GABRG3: variants seen among roughly 807,000 people sequenced by gnomAD.
GABRG3 encodes gamma-aminobutyric acid receptor subunit gamma-3.
Under a neutral mutation model 48.8 loss-of-function variants are expected in GABRG3, and 25 were observed. That is an observed-to-expected ratio of 0.51 (90% confidence interval 0.37 to 0.72). The LOEUF (loss-of-function observed/expected upper bound fraction) is 0.72. Ranked by LOEUF, GABRG3 falls within the 30% of genes least tolerant of loss-of-function variation. The probability of loss-of-function intolerance (pLI) is 0.00; values close to 1 mark genes in which losing one functional copy is unlikely to be tolerated. For synonymous variants in GABRG3, 227 were observed against 217.6 expected, an observed-to-expected ratio of 1.04 and a Z score of -0.38; for missense variants, 394 against 577.9, an observed-to-expected ratio of 0.68 and a Z score of 3.26.
intron 3 of GABRG3, among the ~76,000 whole-genome samples, chr15:27,139,518 C>G (rs1898067873): frequency 6.6e-6 from 1 of 152,196 alleles, no homozygotes; most frequent in African/African-American, 2.4e-5. Flanking sequence ...CACAAACACA[C>G]TCAGAAGGAA....
chr15:27,071,400 A>T (rs1400986825), intron 3 of GABRG3, among the ~76,000 whole-genome samples: 2 of 152,206 alleles, frequency 1.3e-5, no homozygotes, highest in Admixed American at 6.5e-5. Flanking sequence ...ACACTAGCTG[A>T]CATACCTGCC....
At chr15:27,264,390 T>TA (rs1890855996) in intron 3 of GABRG3, among the ~76,000 whole-genome samples, 1 of 152,214 alleles carries the variant, frequency 6.6e-6, no homozygotes, top group Non-Finnish European at 1.5e-5. Flanking sequence ...AATATTAGTT[T>TA]ATCCCCTTAT....
intron 5 of GABRG3, among the ~76,000 whole-genome samples, chr15:27,338,500 G>A (rs1028892703): frequency 6.6e-6 from 1 of 152,192 alleles, no homozygotes; most frequent in Non-Finnish European, 1.5e-5. Context: ...TTGCTATTAA[G>A]TTTGATTCAG....
At chr15:27,185,462 T>C (rs942283053) in intron 3 of GABRG3, among the ~76,000 whole-genome samples, 3 of 152,214 alleles carry the variant, frequency 2.0e-5, no homozygotes, top group South Asian at 4.1e-4. Context: ...CAGGATATGG[T>C]ATATCTTGGT....
At position 27,533,032 on chromosome 15, in the gene GABRG3, C is replaced by A. The variant is rs1891466779; in HGVS notation, c.*151C>A. On this transcript the variant is annotated 3_prime_UTR_variant, in exon 10 of 10. Coordinates refer to ENST00000615808, the MANE Select transcript of GABRG3 (RefSeq NM_033223.5). Reference sequence around the variant, plus strand: ...ACCTTTCAGCAACACAGGAAGTACCCAGCAAAGGTTTCTATTATGTATTTT... The same window carrying A: ...ACCTTTCAGCAACACAGGAAGTACCAAGCAAAGGTTTCTATTATGTATTTT... 1.5e-6 allele frequency: 1 copy of A among 663,300 alleles called. No individual in the cohort carries two copies. The highest frequency in any genetic ancestry group is 2.5e-6 in the Non-Finnish European group (1 of 394,606). The allele number at this position is 663,300 out of a possible 1,614,324, so 41.1% of individuals were successfully genotyped here.
intron 3 of GABRG3, among the ~76,000 whole-genome samples, chr15:27,282,794 G>A (rs576246624): frequency 2.6e-5 from 4 of 152,136 alleles, no homozygotes; most frequent in Non-Finnish European, 5.9e-5. Context: ...TTGGTAGCAT[G>A]AGTGATTTTC....
intron 3 of GABRG3, among the ~76,000 whole-genome samples, chr15:27,068,525 T>A (rs747570101): frequency 5.9e-5 from 9 of 152,238 alleles, no homozygotes; most frequent in Non-Finnish European, 7.3e-5. Context: ...CTTTTGGCAA[T>A]GTTTCTTCAG....
At chr15:27,432,590 A>G (rs984951885) in intron 5 of GABRG3, among the ~76,000 whole-genome samples, 2 of 152,188 alleles carry the variant, frequency 1.3e-5, no homozygotes, top group Non-Finnish European at 2.9e-5. Flanking sequence ...TTTAGAAGGT[A>G]CAAAGGATAG....
At chr15:27,027,288 G>A (rs563546410) in intron 3 of GABRG3, among the ~76,000 whole-genome samples, 6 of 152,312 alleles carry the variant, frequency 3.9e-5, no homozygotes, top group African/African-American at 1.2e-4. Flanking sequence ...AAGTGAGTGT[G>A]GGGGTATTGA....
intron 8 of GABRG3, 64 bp downstream of exon 8, chr15:27,527,693 C>G (rs1021875140): frequency 5.7e-6 from 8 of 1,406,154 alleles, no homozygotes; most frequent in Non-Finnish European, 6.9e-6. Context: ...TGAGTGTGTA[C>G]TTAAATGCAG....
chr15:27,336,510 A>T (rs1262734830), intron 5 of GABRG3, among the ~76,000 whole-genome samples: 1 of 152,172 alleles, frequency 6.6e-6, no homozygotes, highest in East Asian at 1.9e-4. Flanking sequence ...TGGCTAAAAT[A>T]AAAAAATAGT....
At chr15:27,500,427 A>T (rs747487418) in intron 6 of GABRG3, among the ~76,000 whole-genome samples, 2 of 152,160 alleles carry the variant, frequency 1.3e-5, no homozygotes, top group Non-Finnish European at 2.9e-5. Flanking sequence ...CTCCACCGCG[A>T]CTTCCCTTAG....
At chr15:26,984,681 C>T (rs982468965) in intron 2 of GABRG3, among the ~76,000 whole-genome samples, 1 of 125,144 alleles carries the variant, frequency 8.0e-6, no homozygotes, top group Non-Finnish European at 1.9e-5. Flanking sequence ...GAGGATAAAC[C>T]TTTTAAGAAA....
rs148684396 is a variant in GABRG3 at position 27,461,093 on chromosome 15, T to G, written c.575-19557T>G. 6.7e-3 allele frequency among the ~76,000 whole-genome samples: 1,018 copies of G among 152,220 alleles called. 12 individuals are homozygous for G. Among genetic ancestry groups the G allele is most frequent in the African/African-American group, 0.023 (970 of 41,540 alleles). The stretch of plus-strand genomic sequence containing the variant: ...ATTGTTTTTGCTAAGATGAACTCAC[T>G]CACTCCCTCCTCACCACTCAGGGTC... On this transcript the variant is annotated intron_variant, in intron 5 of 9. Coordinates refer to ENST00000615808, the MANE Select transcript of GABRG3 (RefSeq NM_033223.5).
chr15:27,109,848 C>T lies in GABRG3; in HGVS notation c.270+83027C>T, dbSNP rs549265168. On this transcript the variant is annotated intron_variant, in intron 3 of 9. Coordinates refer to ENST00000615808, the MANE Select transcript of GABRG3 (RefSeq NM_033223.5). ...AGTGAGTGGAGATCGCGCCACTGCA[C>T]TCTAGCCTGGGCGACAGAGCGAGAC... Among the ~76,000 whole-genome samples the T allele has an allele frequency of 2.0e-5, 3 of 152,286 alleles. No homozygotes were observed. In the East Asian group the frequency reaches 5.8e-4, roughly 29 times the overall value.
chr15:27,053,186 T>C (rs1344944073), intron 3 of GABRG3, among the ~76,000 whole-genome samples: 2 of 152,218 alleles, frequency 1.3e-5, no homozygotes, highest in Non-Finnish European at 2.9e-5. Flanking sequence ...AAAGAACTTC[T>C]GTACAGCAAC....
chr15:27,426,619 C>A (rs2140618480), intron 5 of GABRG3, among the ~76,000 whole-genome samples: 1 of 151,998 alleles, frequency 6.6e-6, no homozygotes, highest in East Asian at 1.9e-4. Flanking sequence ...TCAAGACCAG[C>A]CTGGACAACA....
In GABRG3 at chr15:27,319,670, T is replaced by C. The variant is rs1479250194; in HGVS notation, c.271-7139T>C. On this transcript the variant is annotated intron_variant, in intron 3 of 9. Coordinates refer to ENST00000615808, the MANE Select transcript of GABRG3 (RefSeq NM_033223.5). The surrounding 1 kb of genome is among the most constrained non-coding windows in gnomAD (Gnocchi z 4.4). Reference sequence around the variant, plus strand: ...TGTCCAGGCGTGGGCAGAGCACAAATGGGATGGGGAGGAAGGGAGGTCTGT... The same window carrying C: ...TGTCCAGGCGTGGGCAGAGCACAAACGGGATGGGGAGGAAGGGAGGTCTGT... 2.0e-5 allele frequency among the ~76,000 whole-genome samples: 3 copies of C among 151,734 alleles called. No individual in the cohort carries two copies. The highest frequency in any genetic ancestry group is 1.3e-4 in the Admixed American group (2 of 15,234).
chr15:27,427,779 A>G (rs1384184415), intron 5 of GABRG3, among the ~76,000 whole-genome samples: 1 of 152,170 alleles, frequency 6.6e-6, no homozygotes, highest in Non-Finnish European at 1.5e-5. Context: ...TGGAAATTTT[A>G]TTCTTGTCAT....
Sources: gnomAD v4.1 joint callset for allele counts (sites outside exome capture counted in the v4.1 genomes callset) on GRCh38, gnomAD v4.1.1 for gene constraint, Gnocchi (gnomAD v3.1) non-coding constraint, MANE v1.5 for transcripts, NCBI Gene and HGNC (gene_info 2026-07-23, HGNC 2026-07-21) for gene names.